CTNND2: variants seen among roughly 807,000 people sequenced by gnomAD.
The protein encoded by CTNND2 is catenin delta-2.
Under a neutral mutation model 144.4 loss-of-function variants are expected in CTNND2, and 22 were observed. The observed-to-expected ratio is 0.15, with a 90% CI of 0.11 to 0.22. The LOEUF (loss-of-function observed/expected upper bound fraction) is 0.22, where lower values mean the gene tolerates loss of function less well. Ranked by LOEUF, CTNND2 falls within the 10% of genes least tolerant of loss-of-function variation. The pLI, the probability that CTNND2 is intolerant of heterozygous loss-of-function variation, is 1.00. For synonymous variants in CTNND2, 751 were observed against 695.6 expected, an observed-to-expected ratio of 1.08 and a Z score of -1.25; for missense variants, 1,353 against 1,618.8, an observed-to-expected ratio of 0.84 and a Z score of 2.82.
At chr5:11,442,716 G>GA (rs899722816) in intron 3 of CTNND2, among the ~76,000 whole-genome samples, 34 of 150,932 alleles carry the variant, frequency 2.3e-4, no homozygotes, top group African/African-American at 7.8e-4. Flanking sequence ...GCATGATCTT[G>GA]AGGGCACAGT....
intron 12 of CTNND2, among the ~76,000 whole-genome samples, chr5:11,130,244 C>T (rs1384757956): frequency 2.6e-5 from 4 of 150,976 alleles, no homozygotes; most frequent in Non-Finnish European, 5.9e-5. Context: ...GCGGTGGTTG[C>T]TAGGTTCATA....
At chr5:11,439,559 G>A (rs1482672891) in intron 3 of CTNND2, among the ~76,000 whole-genome samples, 1 of 152,068 alleles carries the variant, frequency 6.6e-6, no homozygotes, top group African/African-American at 2.4e-5. Flanking sequence ...TGAAACAAGG[G>A]TCTCACTCTG....
chr5:11,114,587 T>C (rs1753356433), intron 13 of CTNND2, among the ~76,000 whole-genome samples: 1 of 152,170 alleles, frequency 6.6e-6, no homozygotes, highest in East Asian at 1.9e-4. Context: ...GGGACATCCA[T>C]TGCTGTCAGC....
At chr5:11,653,423 C>T (rs532740000) in intron 2 of CTNND2, among the ~76,000 whole-genome samples, 1 of 152,120 alleles carries the variant, frequency 6.6e-6, no homozygotes, top group African/African-American at 2.4e-5. Context: ...TTTATAACAG[C>T]AATACTAACA....
At chr5:11,582,704 A>ATT (rs1245427154) in intron 2 of CTNND2, among the ~76,000 whole-genome samples, 1 of 152,230 alleles carries the variant, frequency 6.6e-6, no homozygotes, top group Non-Finnish European at 1.5e-5. Flanking sequence ...CTCCAGTAAA[A>ATT]TATTCTTCTA....
chr5:11,240,566 C>A (rs574823273), intron 9 of CTNND2, among the ~76,000 whole-genome samples: 13 of 114,664 alleles, frequency 1.1e-4, no homozygotes, highest in African/African-American at 4.2e-4. Context: ...ACACTCAAAA[C>A]ACACACCCAA....
chr5:11,725,608 G>T (rs914419375), intron 2 of CTNND2, among the ~76,000 whole-genome samples: 1 of 152,026 alleles, frequency 6.6e-6, no homozygotes, highest in Middle Eastern at 3.4e-3. Context: ...GTAGTGGGGG[G>T]GAAAAGCACT....
intron 3 of CTNND2, among the ~76,000 whole-genome samples, chr5:11,414,452 C>T (rs139938877): frequency 9.1e-4 from 139 of 152,296 alleles, no homozygotes; most frequent in African/African-American, 3.1e-3. Flanking sequence ...TTCCTGAATA[C>T]CAAGGCCCAG....
intron 18 of CTNND2, among the ~76,000 whole-genome samples, chr5:10,998,845 C>T (rs377409380): frequency 1.3e-5 from 2 of 152,072 alleles, no homozygotes; most frequent in African/African-American, 2.4e-5. Context: ...GGAAAATGTG[C>T]GTAGGTTATA....
At chr5:11,576,472 A>T (rs1171155178) in intron 2 of CTNND2, among the ~76,000 whole-genome samples, 1 of 151,676 alleles carries the variant, frequency 6.6e-6, no homozygotes, top group African/African-American at 2.4e-5. Flanking sequence ...AGAAGATGAC[A>T]GCATCTTCAA....
At chr5:11,082,599 G>T (rs1051631145) in intron 16 of CTNND2, 97 bp downstream of exon 16, 22 of 1,383,966 alleles carry the variant, frequency 1.6e-5, no homozygotes, top group Non-Finnish European at 2.2e-5. Context: ...CGGCTTCTGT[G>T]TAAGCATAGG....
intron 1 of CTNND2, among the ~76,000 whole-genome samples, chr5:11,866,591 A>G (rs1795779867): frequency 6.6e-6 from 1 of 152,206 alleles, no homozygotes; most frequent in Non-Finnish European, 1.5e-5. Flanking sequence ...GGAGAACTGA[A>G]GGAGATTTTG....
intron 11 of CTNND2, among the ~76,000 whole-genome samples, chr5:11,172,560 T>G (rs1298153489): frequency 6.6e-6 from 1 of 152,158 alleles, no homozygotes; most frequent in Non-Finnish European, 1.5e-5. Flanking sequence ...TCTGCAGAGC[T>G]GGGAAGACAA....
At chr5:11,673,950 T>C (rs1581702383) in intron 2 of CTNND2, among the ~76,000 whole-genome samples, 1 of 152,164 alleles carries the variant, frequency 6.6e-6, no homozygotes, top group South Asian at 2.1e-4. Context: ...TATGACTAGA[T>C]TGACAAGTCC....
chr5:11,702,549 T>C (rs1785497045), intron 2 of CTNND2, among the ~76,000 whole-genome samples: 1 of 152,186 alleles, frequency 6.6e-6, no homozygotes, highest in Non-Finnish European at 1.5e-5. Context: ...TATCCAGAAT[T>C]ACTACTGTCC....
chr5:11,148,213 T>C (rs933733276), intron 12 of CTNND2, among the ~76,000 whole-genome samples: 6 of 152,258 alleles, frequency 3.9e-5, no homozygotes, highest in East Asian at 1.9e-4. Context: ...GGTTTTCTTT[T>C]AGGGTGATGA....
rs114785790 is a variant in CTNND2 at position 11,353,138 on chromosome 5, C to T, written c.1373-6511G>A. Among the ~76,000 whole-genome samples, 411 of 146,714 alleles carry T rather than the reference C, an allele frequency of 2.8e-3. 2 individuals are homozygous for T. The highest frequency in any genetic ancestry group is 9.8e-3 in the African/African-American group (388 of 39,760). The stretch of plus-strand genomic sequence containing the variant: ...TGGGAAAGGATAAAAATAAATGCTA[C>T]ATGTATTTGGAGCTTCCCATTGTGC... On this transcript the variant is annotated intron_variant, in intron 8 of 21. Coordinates refer to ENST00000304623, the MANE Select transcript of CTNND2 (RefSeq NM_001332.4).
chr5:11,051,486 G>A (rs989892192), intron 16 of CTNND2, among the ~76,000 whole-genome samples: 7 of 152,196 alleles, frequency 4.6e-5, no homozygotes, highest in African/African-American at 1.7e-4. Flanking sequence ...CATGCATTTG[G>A]AACTTCTCTT....
intron 5 of CTNND2, among the ~76,000 whole-genome samples, chr5:11,403,160 C>A (rs1760777108): frequency 6.6e-6 from 1 of 152,066 alleles, no homozygotes; most frequent in Admixed American, 6.6e-5. Context: ...AGGTTTTAAG[C>A]CCTGCATGCA....
Sources: allele counts gnomAD v4.1 joint callset (sites outside exome capture counted in the v4.1 genomes callset), GRCh38; gene constraint gnomAD v4.1.1; transcripts MANE v1.5; gene names NCBI Gene and HGNC (gene_info 2026-07-23, HGNC 2026-07-21).